ME2: variants seen among roughly 807,000 people sequenced by gnomAD.
ME2 encodes the protein NAD-dependent malic enzyme, mitochondrial.
In ME2, 60 loss-of-function variants were observed where a neutral mutation model predicts 73.7. The observed-to-expected ratio is 0.81, with a 90% CI of 0.66 to 1.01. The LOEUF (loss-of-function observed/expected upper bound fraction) is 1.01, where lower values mean the gene tolerates loss of function less well. ME2 is among the 50% of genes least tolerant of loss of function. ME2 has a pLI of 0.00. For missense variants in ME2, 594 were observed against 705.5 expected (o/e 0.84, Z 1.79); for synonymous variants, 199 against 236.9 (o/e 0.84, Z 1.47).
At chr18:50,928,031 C>T (rs1406006201) in intron 12 of ME2, among the ~76,000 whole-genome samples, 1 of 151,590 alleles carries the variant, frequency 6.6e-6, no homozygotes, top group Non-Finnish European at 1.5e-5. Flanking sequence ...GTTGGCCAGG[C>T]TGGTCTCAAA....
Position 50,894,137 on chromosome 18 carries a change from C to T in ME2, c.-12-1672C>T, listed in dbSNP as rs189767562. On this transcript the variant is annotated intron_variant, in intron 1 of 15. Transcript: ENST00000321341. ...AAGCCTCATACAAGTGGTCTTGAAA[C>T]ATCAAATCACACTTGATTTCAAAGG... Among the ~76,000 whole-genome samples the T allele has an allele frequency of 3.8e-4, 58 of 152,304 alleles. 2 individuals carry two copies. The highest frequency in any genetic ancestry group is 3.7e-3 in the Admixed American group (56 of 15,296).
intron 3 of ME2, among the ~76,000 whole-genome samples, chr18:50,910,114 G>A (rs868346441): frequency 7.2e-5 from 11 of 151,876 alleles, no homozygotes; most frequent in Non-Finnish European, 1.3e-4. Flanking sequence ...GAAATGCTTG[G>A]AAGAGCCATG....
Position 50,887,432 on chromosome 18 carries a change from A to G in ME2, c.-13+8124A>G, listed in dbSNP as rs145889338. On this transcript the variant is annotated intron_variant, in intron 1 of 15. Coordinates refer to ENST00000321341, the MANE Select transcript of ME2 (RefSeq NM_002396.5). Reference sequence around the variant, plus strand: ...TCTGAAGTGTTTATTGCTTGCCAGGAGACGGAAACTGAGTTCCCAAGGCCT... The same window carrying G: ...TCTGAAGTGTTTATTGCTTGCCAGGGGACGGAAACTGAGTTCCCAAGGCCT... 1.8e-4 allele frequency among the ~76,000 whole-genome samples: 27 copies of G among 152,350 alleles called. No homozygotes were observed. The East Asian group carries it at 4.6e-3, about 26-fold the overall frequency.
chr18:50,942,195 G>A (rs1464044920), intron 15 of ME2, among the ~76,000 whole-genome samples: 7 of 152,068 alleles, frequency 4.6e-5, no homozygotes, highest in Non-Finnish European at 1.0e-4. Context: ...ATATGAGAAA[G>A]GGAAACATTT....
At chr18:50,902,633 G>A (rs1234442001) in intron 2 of ME2, among the ~76,000 whole-genome samples, 2 of 152,158 alleles carry the variant, frequency 1.3e-5, no homozygotes, top group East Asian at 3.9e-4. Context: ...CTGACCTCAG[G>A]TGATCCACTC....
chr18:50,943,992 G>A (rs1289589570), intron 15 of ME2, among the ~76,000 whole-genome samples: 2 of 152,104 alleles, frequency 1.3e-5, no homozygotes, highest in Non-Finnish European at 2.9e-5. Flanking sequence ...AAGGCAGGAG[G>A]ATGACTTGAG....
At chr18:50,943,440 C>T (rs1006292670) in intron 15 of ME2, among the ~76,000 whole-genome samples, 2 of 152,136 alleles carry the variant, frequency 1.3e-5, no homozygotes, top group African/African-American at 4.8e-5. Flanking sequence ...GCTGGGACCA[C>T]AGGCATGCAC....
chr18:50,946,994 C>CAAT (rs1918098815), intron 15 of ME2, 23 bp from the exon 16 acceptor site: 1 of 1,581,426 alleles, frequency 6.3e-7, no homozygotes, highest in Admixed American at 1.7e-5. Context: ...AGAGCCTACA[C>CAAT]AATAACCTTA....
At chr18:50,883,200 A>T (rs1313656155) in intron 1 of ME2, among the ~76,000 whole-genome samples, 3 of 152,172 alleles carry the variant, frequency 2.0e-5, no homozygotes, top group African/African-American at 7.2e-5. Flanking sequence ...GACACAACTG[A>T]TTCTGAACTG....
chr18:50,902,549 C>T (rs1246028513), intron 2 of ME2, among the ~76,000 whole-genome samples: 1 of 152,154 alleles, frequency 6.6e-6, no homozygotes, highest in Non-Finnish European at 1.5e-5. Context: ...AGGCATGTGC[C>T]ACCACGCCTG....
At chr18:50,893,513 C>G (rs1038467855) in intron 1 of ME2, among the ~76,000 whole-genome samples, 2 of 152,160 alleles carry the variant, frequency 1.3e-5, no homozygotes, top group East Asian at 1.9e-4. Flanking sequence ...TGATGCCTCC[C>G]CAGTAGTTAG....
intron 1 of ME2, among the ~76,000 whole-genome samples, chr18:50,892,131 A>G (rs1916619483): frequency 6.6e-6 from 1 of 152,036 alleles, no homozygotes; most frequent in Non-Finnish European, 1.5e-5. Flanking sequence ...TGGACTTGTA[A>G]TTCTTTATAG....
intron 12 of ME2, 25 bp from the exon 13 acceptor site, chr18:50,932,233 T>C (rs778478708): frequency 2.6e-5 from 42 of 1,586,202 alleles, no homozygotes; most frequent in Non-Finnish European, 3.6e-5. Flanking sequence ...ATAACAAAAT[T>C]GAAGTTATTT....
chr18:50,932,407 A>G (rs766449569), intron 13 of ME2, 47 bp downstream of exon 13: 2 of 1,428,156 alleles, frequency 1.4e-6, no homozygotes, highest in South Asian at 2.4e-5. Context: ...TTAATTATGT[A>G]AAAATACTTA....
chr18:50,918,124 C>T lies in ME2; in HGVS notation c.645C>T (p.Asp215=). 5.7e-6 allele frequency: 9 copies of T among 1,592,582 alleles called. No individual in the cohort carries two copies. The highest frequency in any genetic ancestry group is 7.7e-6 in the Non-Finnish European group (9 of 1,167,284). ...TTATTTTGTAGGCACTCTTAAAAGA[C>T]CCATTTTACATGGGCTTGTACCAGA... The part of the protein sequence containing the change: ...VGTDNIALLK[D]PFYMGLYQKR... The change falls in exon 7 of 16, where the codon GAC becomes GAT. Residue 215 remains aspartate (D), a synonymous_variant. Coordinates refer to ENST00000321341, the MANE Select transcript of ME2 (RefSeq NM_002396.5).
Position 50,950,477 on chromosome 18 carries a change from T to TTTTTTTTTTC in ME2, c.*3302_*3303insCTTTTTTTTT, listed in dbSNP as rs1918200005. 9.6e-5 allele frequency: 4 copies of TTTTTTTTTTC among 41,566 alleles called. No homozygotes were observed. The highest frequency in any genetic ancestry group is 3.3e-3 in the South Asian group (2 of 610). 2.6% of individuals were successfully genotyped at this position (41,566 alleles called of 1,614,324 possible). ...GGGCCTCAGATTCTGCTTTTTTTTT[T>TTTTTTTTTTC]TTTTTTTTTTTTTTTTTTAAACAGG... is the stretch of plus-strand genomic sequence containing the variant. On this transcript the variant is annotated 3_prime_UTR_variant, in exon 16 of 16. Transcript: ENST00000321341.
chr18:50,913,772 CAT>C (rs992740265), intron 4 of ME2, among the ~76,000 whole-genome samples: 14 of 151,694 alleles, frequency 9.2e-5, no homozygotes, highest in African/African-American at 2.7e-4. Context: ...TGTGTTTCCT[CAT>C]GTGTAAAATG....
chr18:50,941,357 T>TTTTTTTTTC (rs1917952684), intron 15 of ME2, among the ~76,000 whole-genome samples: 1 of 25,532 alleles, frequency 3.9e-5, no homozygotes, highest in Non-Finnish European at 9.7e-5. Flanking sequence ...TGGTTTCTTT[T>TTTTTTTTTC]TTTTTTTTTT....
intron 12 of ME2, among the ~76,000 whole-genome samples, chr18:50,926,806 T>C (rs1478479131): frequency 6.6e-6 from 1 of 152,242 alleles, no homozygotes; most frequent in African/African-American, 2.4e-5. Flanking sequence ...TTAGTTGCTG[T>C]ATTTTTTCAT....
Sources: gnomAD v4.1 joint callset for allele counts (sites outside exome capture counted in the v4.1 genomes callset) on GRCh38, gnomAD v4.1.1 for gene constraint, MANE v1.5 for transcripts, NCBI Gene and HGNC (gene_info 2026-07-23, HGNC 2026-07-21) for gene names.